Variants in ADAMTS20 observed in about 807,000 individuals in gnomAD.
ADAMTS20 encodes the protein ADAM metallopeptidase with thrombospondin type 1 motif 20, also known as A disintegrin and metalloproteinase with thrombospondin motifs 20.
ADAMTS20 carries 225 observed loss-of-function variants against 260.1 expected under a neutral mutation model. That is an observed-to-expected ratio of 0.87 (90% CI 0.78 to 0.97). ADAMTS20 has a LOEUF of 0.97. Ranked by LOEUF, ADAMTS20 falls within the 50% of genes least tolerant of loss-of-function variation. The pLI, the probability that ADAMTS20 is intolerant of heterozygous loss-of-function variation, is 0.00. For synonymous variants in ADAMTS20, 802 were observed against 769.5 expected, an observed-to-expected ratio of 1.04 and a Z score of -0.70; for missense variants, 2,400 against 2,337.7, an observed-to-expected ratio of 1.03 and a Z score of -0.55.
chr12:43,388,649 A>G lies in ADAMTS20; in HGVS notation c.4453-4672T>C, dbSNP rs182344579. On this transcript the variant is annotated intron_variant, in intron 29 of 38. Transcript: ENST00000389420. ...ACTTTCCATACATTTATTCCTGTCAACAGCTCTATAAAAGCGGTACTATGG... is the reference window on the plus strand; with the variant it reads ...ACTTTCCATACATTTATTCCTGTCAGCAGCTCTATAAAAGCGGTACTATGG... 3.5e-3 allele frequency among the ~76,000 whole-genome samples: 533 copies of G among 152,352 alleles called. 2 individuals carry two copies. The highest frequency in any genetic ancestry group is 5.9e-3 in the Non-Finnish European group (398 of 68,034).
intron 28 of ADAMTS20, among the ~76,000 whole-genome samples, chr12:43,404,782 A>C (rs554842090): frequency 1.3e-5 from 2 of 152,284 alleles, no homozygotes; most frequent in South Asian, 4.1e-4. Context: ...TGTAAGTTTT[A>C]TGTTAAATAT....
chr12:43,501,405 A>G (rs1366217717), intron 4 of ADAMTS20, among the ~76,000 whole-genome samples: 1 of 151,526 alleles, frequency 6.6e-6, no homozygotes, highest in East Asian at 2.0e-4. Flanking sequence ...ACCCTTAGTG[A>G]TTACTCTAAA....
At chr12:43,367,485 A>G (rs1045226820) in intron 37 of ADAMTS20, among the ~76,000 whole-genome samples, 3 of 152,044 alleles carry the variant, frequency 2.0e-5, no homozygotes, top group Non-Finnish European at 2.9e-5. Context: ...TCCTTTCATA[A>G]TAACACTTAA....
intron 37 of ADAMTS20, among the ~76,000 whole-genome samples, chr12:43,358,352 TAGAA>T (rs1409699973): frequency 5.3e-5 from 8 of 152,188 alleles, no homozygotes; most frequent in African/African-American, 1.4e-4. Flanking sequence ...AGTCCTCACT[TAGAA>T]AGCTAAATAT....
At chr12:43,470,185 T>C (rs1942229114) in intron 7 of ADAMTS20, among the ~76,000 whole-genome samples, 3 of 152,204 alleles carry the variant, frequency 2.0e-5, no homozygotes, top group Admixed American at 1.3e-4. Context: ...TGTTTCTCTT[T>C]TGTCAGGATA....
At chr12:43,410,437 T>A (rs1355630781) in intron 28 of ADAMTS20, among the ~76,000 whole-genome samples, 2 of 151,988 alleles carry the variant, frequency 1.3e-5, no homozygotes, top group Non-Finnish European at 2.9e-5. Context: ...AACAAGGCAA[T>A]CCTCCCTAGG....
At position 43,488,534 on chromosome 12, in the gene ADAMTS20, A is replaced by G. The variant is rs1942556202; in HGVS notation, c.1117+1861T>C. Among the ~76,000 whole-genome samples the G allele has an allele frequency of 2.6e-5, 4 of 152,308 alleles. No homozygotes were observed. In the South Asian group the frequency reaches 6.2e-4, roughly 24 times the overall value. ...AAACTACACATCATTTTGCATGAAT[A>G]ATACCCATTCGAGCTAAGGAGACTG... is the stretch of plus-strand genomic sequence containing the variant. On this transcript the variant is annotated intron_variant, in intron 7 of 38. Coordinates refer to ENST00000389420, the MANE Select transcript of ADAMTS20 (RefSeq NM_025003.5).
intron 18 of ADAMTS20, among the ~76,000 whole-genome samples, chr12:43,438,428 A>C (rs1941597789): frequency 6.6e-6 from 1 of 152,174 alleles, no homozygotes; most frequent in South Asian, 2.1e-4. Context: ...CTTCTATGTT[A>C]ACCAAAGCTC....
At chr12:43,548,197 C>T (rs576958133) in intron 2 of ADAMTS20, among the ~76,000 whole-genome samples, 5 of 152,080 alleles carry the variant, frequency 3.3e-5, no homozygotes, top group South Asian at 2.1e-4. Context: ...AAGCAAAAAG[C>T]GACTAGAAAA....
At chr12:43,443,966 G>T in intron 15 of ADAMTS20, 83 bp from the exon 16 acceptor site, 1 of 1,071,136 alleles carries the variant, frequency 9.3e-7, no homozygotes, top group South Asian at 1.4e-5. Flanking sequence ...TGAAAAATTC[G>T]AATAGCATAG....
intron 28 of ADAMTS20, among the ~76,000 whole-genome samples, chr12:43,402,874 A>AT (rs140385154): frequency 0.053 from 7,935 of 150,730 alleles, 689 homozygotes; most frequent in African/African-American, 0.18. Flanking sequence ...TGTTACTGAG[A>AT]TTTTTTTTTT....
chr12:43,365,147 TA>T (rs1487655253), intron 37 of ADAMTS20, among the ~76,000 whole-genome samples: 2 of 152,030 alleles, frequency 1.3e-5, no homozygotes, highest in African/African-American at 4.8e-5. Context: ...CAATAATTTT[TA>T]ATAAGCAAAC....
At chr12:43,402,718 GT>G in intron 28 of ADAMTS20, among the ~76,000 whole-genome samples, 1 of 151,942 alleles carries the variant, frequency 6.6e-6, no homozygotes, top group East Asian at 1.9e-4. Flanking sequence ...GCAATCTGCT[GT>G]TTTTTTCCCC....
chr12:43,525,466 C>T (rs972338036), intron 3 of ADAMTS20, among the ~76,000 whole-genome samples: 6 of 151,880 alleles, frequency 4.0e-5, no homozygotes, highest in South Asian at 2.1e-4. Context: ...AATTACACAA[C>T]GAAAAAAGTA....
chr12:43,501,466 C>CGT (rs1942760701), intron 4 of ADAMTS20, among the ~76,000 whole-genome samples: 1 of 69,934 alleles, frequency 1.4e-5, no homozygotes. Context: ...GGGATACGCG[C>CGT]GCGCGCGCGC....
intron 15 of ADAMTS20, among the ~76,000 whole-genome samples, chr12:43,444,371 A>G (rs1255747846): frequency 6.6e-6 from 1 of 152,092 alleles, no homozygotes; most frequent in Admixed American, 6.5e-5. Flanking sequence ...TTATTGAAAA[A>G]TCATAAAAAA....
At chr12:43,401,671 G>C (rs1369082484) in intron 28 of ADAMTS20, among the ~76,000 whole-genome samples, 1 of 150,942 alleles carries the variant, frequency 6.6e-6, no homozygotes, top group Non-Finnish European at 1.5e-5. Flanking sequence ...TATTGTCATT[G>C]AACATAATTT....
Position 43,430,373 on chromosome 12 carries a change from A to T in ADAMTS20, c.3360T>A (p.Ala1120=). 6.2e-7 allele frequency: 1 copy of T among 1,612,428 alleles called. No individual in the cohort carries two copies. The highest frequency in any genetic ancestry group is 2.2e-5 in the East Asian group (1 of 44,816). ...AVLEDTECHE[A]SRPSDRQSCV... ...TTACCTGTCTGTCACTGGGGCGACT[A>T]GCTTCATGGCATTCTGTGTCCTCTA... The change falls in exon 23 of 39, where the codon GCT becomes GCA. Residue 1120 remains alanine (A), a synonymous_variant. Coordinates refer to ENST00000389420, the MANE Select transcript of ADAMTS20 (RefSeq NM_025003.5).
chr12:43,432,338 G>C lies in ADAMTS20; in HGVS notation c.3062C>G (p.Ser1021Cys), dbSNP rs751029124. ...TTCACTAGCAGCCCAACTGGGACAGGAAAATTCATTGCAATTCTCTCTCGT... is the reference window on the plus strand; with the variant it reads ...TTCACTAGCAGCCCAACTGGGACAGCAAAATTCATTGCAATTCTCTCTCGT... ...RVTRENCNEFSCPSWAASEWS... is the reference protein window; with the variant it reads ...RVTRENCNEFCCPSWAASEWS... The change falls in exon 21 of 39, where the codon TCC becomes TGC. Residue 1021 changes from serine to cysteine, a missense_variant. Transcript: ENST00000389420. 4.3e-6 allele frequency: 7 copies of C among 1,613,738 alleles called. No individual in the cohort carries two copies. Among genetic ancestry groups the C allele is most frequent in the South Asian group, 1.1e-5 (1 of 91,076 alleles).
Sources: allele counts gnomAD v4.1 joint callset (sites outside exome capture counted in the v4.1 genomes callset), GRCh38; gene constraint gnomAD v4.1.1; transcripts MANE v1.5; gene names NCBI Gene and HGNC (gene_info 2026-07-23, HGNC 2026-07-21).